Variants in SH2D1A observed in about 807,000 individuals in gnomAD.
The protein encoded by SH2D1A is SH2 domain-containing protein 1A.
SH2D1A carries 6 observed loss-of-function variants against 10.1 expected under a neutral mutation model. The observed-to-expected ratio is 0.60, with a 90% CI of 0.33 to 1.18. The LOEUF is 1.18. Among genes scored for constraint, SH2D1A ranks in the 50% most tolerant of loss-of-function variants. The pLI, the probability that SH2D1A is intolerant of heterozygous loss-of-function variation, is 0.04. For missense variants in SH2D1A, 51 were observed against 97.6 expected (o/e 0.52, Z 2.01); for synonymous variants, 42 against 36.9 (o/e 1.14, Z -0.51).
At chrX:124,349,155 G>T (rs2060001237) in intron 1 of SH2D1A, among the ~76,000 whole-genome samples, 1 of 112,191 alleles carries the variant, frequency 8.9e-6, no homozygotes, top group African/African-American at 3.2e-5. Context: ...TCCTTGTGAA[G>T]TAGCGGAAAA....
At chrX:124,357,327 G>A (rs1296224741) in intron 1 of SH2D1A, among the ~76,000 whole-genome samples, 2 of 112,099 alleles carry the variant, frequency 1.8e-5, no homozygotes, top group Admixed American at 1.9e-4. Flanking sequence ...TTTCCTTTGT[G>A]TTTAAGGCTG....
intron 1 of SH2D1A, among the ~76,000 whole-genome samples, chrX:124,350,547 C>G (rs1219861185): frequency 2.5e-5 from 1 of 39,296 alleles, no homozygotes; most frequent in Non-Finnish European, 3.9e-5. Flanking sequence ...ATAATATATA[C>G]TATATTATAT....
At chrX:124,369,111 A>G (rs1013906474) in intron 2 of SH2D1A, among the ~76,000 whole-genome samples, 1 of 111,458 alleles carries the variant, frequency 9.0e-6, no homozygotes, top group African/African-American at 3.3e-5. Context: ...GTAGTATGCT[A>G]TCTTCAGCAT....
chrX:124,355,929 A>T (rs746981152), intron 1 of SH2D1A, among the ~76,000 whole-genome samples: 3 of 109,811 alleles, frequency 2.7e-5, no homozygotes, highest in Middle Eastern at 4.7e-3. Flanking sequence ...TTTTTTTAAT[A>T]CTTTAAGTTC....
At chrX:124,364,414 G>C in intron 1 of SH2D1A, 1 of 283,676 alleles carries the variant, frequency 3.5e-6, no homozygotes, top group Non-Finnish European at 6.7e-6. Flanking sequence ...TGTGTTTTAA[G>C]CGAAGTGTTA....
At chrX:124,365,712 C>T (rs1245147205) in intron 1 of SH2D1A, 49 bp from the exon 2 acceptor site, 1 of 794,295 alleles carries the variant, frequency 1.3e-6, no homozygotes, top group African/African-American at 2.0e-5. Flanking sequence ...TTTAAAGTAT[C>T]CATTGTTCTT....
intron 1 of SH2D1A, 23 bp downstream of exon 1, chrX:124,346,802 G>A (rs2059994039): frequency 1.7e-6 from 2 of 1,208,582 alleles, no homozygotes; most frequent in Non-Finnish European, 2.2e-6. Flanking sequence ...CGGTGGACAT[G>A]GGCCTGCTGA....
In SH2D1A at chrX:124,357,488, T is replaced by C. The variant is rs7054178; in HGVS notation, c.138-8273T>C. ...ATTTCTCCTTGACATGATGATTTCA[T>C]TTCCTTTTGATATATACCCAGCAGT... On this transcript the variant is annotated intron_variant, in intron 1 of 3. Transcript: ENST00000371139. Among the ~76,000 whole-genome samples the C allele has an allele frequency of 3.4e-3, 383 of 112,323 alleles. 1 individual carries two copies. The highest frequency in any genetic ancestry group is 0.011 in the African/African-American group (355 of 30,934).
At chrX:124,348,768 A>G (rs1181797181) in intron 1 of SH2D1A, among the ~76,000 whole-genome samples, 4 of 112,270 alleles carry the variant, frequency 3.6e-5, no homozygotes, top group Non-Finnish European at 5.6e-5. Flanking sequence ...CCAGAAACAC[A>G]GGAACACATA....
In SH2D1A at chrX:124,350,161, A is replaced by G. The variant is rs1487357058; in HGVS notation, c.137+3382A>G. Among the ~76,000 whole-genome samples, 11 of 72,713 alleles carry G rather than the reference A, an allele frequency of 1.5e-4. 1 individual carries two copies. The highest frequency in any genetic ancestry group is 5.7e-4 in the African/African-American group (11 of 19,216). 63.1% of individuals were successfully genotyped at this position (72,713 alleles called of 115,157 possible). A position where few individuals can be genotyped will look rare whatever the true frequency, so the allele number is the denominator to read the frequency against. ...CAAACACCAAATGTTATATATTTAT[A>G]TATATATAAATATCTAATATATATA... On this transcript the variant is annotated intron_variant, in intron 1 of 3. Transcript: ENST00000371139.
intron 1 of SH2D1A, among the ~76,000 whole-genome samples, chrX:124,359,912 AT>A (rs200035601): frequency 2.6e-4 from 27 of 105,623 alleles, no homozygotes; most frequent in East Asian, 6.0e-4. Flanking sequence ...AGATATAGTA[AT>A]TTTTTTTTTT....
At chrX:124,348,913 G>A (rs1239798547) in intron 1 of SH2D1A, among the ~76,000 whole-genome samples, 1 of 111,974 alleles carries the variant, frequency 8.9e-6, no homozygotes, top group Non-Finnish European at 1.9e-5. Context: ...CTGGGACTCA[G>A]TTTCCATATT....
chrX:124,364,181 C>A (rs966446352), intron 1 of SH2D1A, among the ~76,000 whole-genome samples: 1 of 110,439 alleles, frequency 9.1e-6, no homozygotes, highest in Non-Finnish European at 1.9e-5. Flanking sequence ...TGTGACTGCA[C>A]CTGAAGATCC....
rs1217299495 is a variant in SH2D1A, at chrX:124,365,800, A to G, written c.177A>G (p.Thr59=). Residue 59 remains threonine (T), a synonymous_variant, in exon 2 of 4, where the codon ACA becomes ACG. Coordinates refer to ENST00000371139, the MANE Select transcript of SH2D1A (RefSeq NM_002351.5). The part of the protein sequence containing the change: ...GYIYTYRVSQ[T]ETGSWSAETA... Reference sequence around the variant, plus strand: ...TTTATACATACCGAGTGTCCCAGACAGAAACAGGTTCTTGGAGTGCTGAGG... The same window carrying G: ...TTTATACATACCGAGTGTCCCAGACGGAAACAGGTTCTTGGAGTGCTGAGG... 2 of 1,173,941 alleles carry G rather than the reference A, an allele frequency of 1.7e-6. No homozygotes were observed. The highest frequency in any genetic ancestry group is 2.2e-5 in the Admixed American group (1 of 45,706).
chrX:124,348,654 C>A (rs751566627), intron 1 of SH2D1A, among the ~76,000 whole-genome samples: 11 of 111,768 alleles, frequency 9.8e-5, no homozygotes, highest in Non-Finnish European at 1.9e-4. Context: ...TATTTTTCTT[C>A]AAAGAGCTTT....
chrX:124,353,335 T>A (rs2060019533), intron 1 of SH2D1A: 1 of 117,709 alleles, frequency 8.5e-6, no homozygotes, highest in African/African-American at 3.2e-5. Context: ...TATTTCGAGT[T>A]ATTGTGTGTA....
chrX:124,360,405 C>T (rs1410304720), intron 1 of SH2D1A, among the ~76,000 whole-genome samples: 2 of 90,757 alleles, frequency 2.2e-5, no homozygotes, highest in Admixed American at 2.6e-4. Flanking sequence ...AGTTCAAGAC[C>T]GTCGTGGTCA....
At chrX:124,370,943 G>A (rs2147534458) in intron 3 of SH2D1A, among the ~76,000 whole-genome samples, 1 of 112,197 alleles carries the variant, frequency 8.9e-6, no homozygotes, top group Non-Finnish European at 1.9e-5. Flanking sequence ...ATACGTGACT[G>A]TTTACTCCTC....
intron 1 of SH2D1A, among the ~76,000 whole-genome samples, chrX:124,363,620 G>A (rs1473197128): frequency 9.0e-6 from 1 of 111,026 alleles, no homozygotes; most frequent in Non-Finnish European, 1.9e-5. Flanking sequence ...CAGGCCAGGT[G>A]TGATGGCTCG....
Sources: allele counts gnomAD v4.1 joint callset (sites outside exome capture counted in the v4.1 genomes callset), GRCh38; gene constraint gnomAD v4.1.1; transcripts MANE v1.5; gene names NCBI Gene and HGNC (gene_info 2026-07-23, HGNC 2026-07-21).